Variants in UBAP1 observed in about 807,000 individuals in gnomAD.
UBAP1 encodes ubiquitin-associated protein 1.
UBAP1 carries 5 observed loss-of-function variants against 39.0 expected under a neutral mutation model. The ratio of observed to expected loss-of-function variants is 0.13; its 90% CI spans 0.07 to 0.27. The LOEUF is 0.27. UBAP1 is among the 10% of genes least tolerant of loss of function. The pLI is 1.00. For synonymous variants in UBAP1, 211 were observed against 225.1 expected (o/e 0.94, Z 0.56); for missense variants, 490 against 608.1 (o/e 0.81, Z 2.04).
At chr9:34,243,598 G>C (rs922169233) in intron 4 of UBAP1, among the ~76,000 whole-genome samples, 17 of 151,556 alleles carry the variant, frequency 1.1e-4, no homozygotes, top group Admixed American at 9.2e-4. Flanking sequence ...CGATTGTCCT[G>C]CCTCTCGCAG....
In UBAP1 at chr9:34,241,856, T is replaced by C. The variant is rs760682684; in HGVS notation, c.831T>C (p.Asn277=). Residue 277 remains asparagine, a synonymous_variant, in exon 4 of 7, where the codon AAT becomes AAC. Coordinates refer to ENST00000297661, the MANE Select transcript of UBAP1 (RefSeq NM_016525.5). ...CCAAACTTGACTCTGATGACAGCAA[T>C]CAGAAGACAGCCAAGCTGGCGAGCA... The part of the protein sequence containing the change: ...SFPKLDSDDS[N]QKTAKLASTF... The C allele has an allele frequency of 6.2e-7, 1 of 1,614,060 alleles. No individual in the cohort carries two copies. The highest frequency in any genetic ancestry group is 2.2e-5 in the East Asian group (1 of 44,874).
chr9:34,236,548 CT>C (rs1229668816), intron 3 of UBAP1, among the ~76,000 whole-genome samples: 1 of 152,174 alleles, frequency 6.6e-6, no homozygotes, highest in East Asian at 1.9e-4. Context: ...TCCTGGGGCC[CT>C]GTACCTCACA....
intron 2 of UBAP1, among the ~76,000 whole-genome samples, chr9:34,225,553 G>A (rs1045436086): frequency 1.3e-5 from 2 of 151,872 alleles, no homozygotes; most frequent in African/African-American, 2.4e-5. Context: ...TGAGGCAGGC[G>A]GATCATGAGG....
intron 1 of UBAP1, among the ~76,000 whole-genome samples, chr9:34,215,624 C>G (rs1457139960): frequency 6.6e-6 from 1 of 151,934 alleles, no homozygotes; most frequent in African/African-American, 2.4e-5. Flanking sequence ...TCTCACAAAT[C>G]ACCACTAAGG....
chr9:34,210,734 A>AT (rs545066753), intron 1 of UBAP1, among the ~76,000 whole-genome samples: 278 of 146,518 alleles, frequency 1.9e-3, no homozygotes, highest in African/African-American at 4.5e-3. Flanking sequence ...AAAAAAAAAA[A>AT]TTTTTTTTTT....
At chr9:34,196,619 T>C (rs956817335) in intron 1 of UBAP1, among the ~76,000 whole-genome samples, 3 of 151,762 alleles carry the variant, frequency 2.0e-5, no homozygotes, top group African/African-American at 4.8e-5. Flanking sequence ...CTAAATAATT[T>C]TTTTTAATAT....
chr9:34,186,701 C>G (rs1319297055), intron 1 of UBAP1, among the ~76,000 whole-genome samples: 1 of 151,556 alleles, frequency 6.6e-6, no homozygotes, highest in Non-Finnish European at 1.5e-5. Flanking sequence ...TTTTTTTGGT[C>G]TTTTCTCTTT....
chr9:34,188,711 C>T (rs1420117235), intron 1 of UBAP1, among the ~76,000 whole-genome samples: 1 of 152,096 alleles, frequency 6.6e-6, no homozygotes. Context: ...AATCCCAGCA[C>T]TTTGGGAGGC....
At chr9:34,244,186 CCGACT>C (rs1433640709) in intron 4 of UBAP1, among the ~76,000 whole-genome samples, 26 of 152,222 alleles carry the variant, frequency 1.7e-4, no homozygotes, top group African/African-American at 6.3e-4. Flanking sequence ...CCACCAGCCC[CCGACT>C]ACTACCCTTC....
intron 2 of UBAP1, among the ~76,000 whole-genome samples, chr9:34,226,154 T>TGTGTGTGTGTGTGTGTGTG (rs1833088196): frequency 7.0e-6 from 1 of 142,710 alleles, no homozygotes; most frequent in African/African-American, 2.6e-5. Context: ...TGTGTGTGTG[T>TGTGTGTGTGTGTGTGTGTG]GTGGTGGGCT....
intron 1 of UBAP1, among the ~76,000 whole-genome samples, chr9:34,180,809 T>G (rs904316705): frequency 6.9e-6 from 1 of 145,942 alleles, no homozygotes; most frequent in Non-Finnish European, 1.5e-5. Flanking sequence ...TTTTTTTTTT[T>G]GTTTCTTTTT....
At chr9:34,199,148 A>G (rs1029069835) in intron 1 of UBAP1, among the ~76,000 whole-genome samples, 1 of 152,112 alleles carries the variant, frequency 6.6e-6, no homozygotes, top group African/African-American at 2.4e-5. Flanking sequence ...ATTTCGGCTC[A>G]CTGCAACCTC....
intron 3 of UBAP1, 149 bp from the exon 4 acceptor site, chr9:34,241,036 T>C: frequency 1.8e-6 from 1 of 543,988 alleles, no homozygotes; most frequent in Non-Finnish European, 3.1e-6. Flanking sequence ...GAAGCCTTAC[T>C]CTTTTTAAGT....
Position 34,225,696 on chromosome 9 carries a change from C to T in UBAP1, c.34+4748C>T, listed in dbSNP as rs376287872. ...TTGGGAGGCTGAGGCAGGAGAATGG[C>T]GTGAACCCAGGAGGAAGAGCTTGCA... On this transcript the variant is annotated intron_variant, in intron 2 of 6. Coordinates refer to ENST00000297661, the MANE Select transcript of UBAP1 (RefSeq NM_016525.5). Among the ~76,000 whole-genome samples the T allele has an allele frequency of 8.0e-5, 12 of 150,624 alleles. No individual in the cohort carries two copies. The East Asian group carries it at 1.2e-3, about 15-fold the overall frequency.
chr9:34,249,558 G>A (rs529716703), intron 4 of UBAP1, among the ~76,000 whole-genome samples: 1 of 152,260 alleles, frequency 6.6e-6, no homozygotes, highest in African/African-American at 2.4e-5. Flanking sequence ...AGCCACAATT[G>A]CAGGTGACCT....
At chr9:34,223,991 C>T (rs1832903353) in intron 2 of UBAP1, 1 of 431,136 alleles carries the variant, frequency 2.3e-6, no homozygotes, top group Non-Finnish European at 4.3e-6. Context: ...GATTTATTTG[C>T]CTTTCCGGAC....
chr9:34,239,614 G>C (rs186404980), intron 3 of UBAP1, among the ~76,000 whole-genome samples: 20 of 152,314 alleles, frequency 1.3e-4, no homozygotes, highest in African/African-American at 4.6e-4. Context: ...TCATGGTTTA[G>C]AACATCCTCT....
intron 1 of UBAP1, among the ~76,000 whole-genome samples, chr9:34,216,642 ATTTTT>A (rs57204146): frequency 0.011 from 775 of 70,198 alleles, 7 homozygotes; most frequent in Non-Finnish European, 0.017. Context: ...CACCATGCTA[ATTTTT>A]TTTTTTTTTT....
At chr9:34,179,382 C>G in intron 1 of UBAP1, 142 bp downstream of exon 1, 2 of 579,046 alleles carry the variant, frequency 3.5e-6, no homozygotes, top group Non-Finnish European at 5.1e-6. Context: ...GAAAAGTGGC[C>G]GGAGATCCGC....
Sources: allele counts gnomAD v4.1 joint callset (sites outside exome capture counted in the v4.1 genomes callset), GRCh38; gene constraint gnomAD v4.1.1; transcripts MANE v1.5; gene names NCBI Gene and HGNC (gene_info 2026-07-23, HGNC 2026-07-21).